VKORC1L1: variants seen among roughly 807,000 people sequenced by gnomAD.
VKORC1L1 encodes vitamin K epoxide reductase complex subunit 1L1, also known as vitamin K epoxide reductase complex subunit 1-like protein 1.
A neutral mutation model predicts 18.9 loss-of-function variants in VKORC1L1; 2 were observed. That is an observed-to-expected ratio of 0.11 (90% CI 0.04 to 0.33). The LOEUF (loss-of-function observed/expected upper bound fraction) is 0.33. Among genes scored for constraint, VKORC1L1 ranks in the 10% least tolerant of loss-of-function variants. VKORC1L1 has a pLI of 1.00. For synonymous variants in VKORC1L1, 96 were observed against 100.0 expected (o/e 0.96, Z 0.24); for missense variants, 123 against 224.1 (o/e 0.55, Z 2.88).
intron 1 of VKORC1L1, among the ~76,000 whole-genome samples, chr7:65,887,174 A>C (rs1029517146): frequency 6.6e-6 from 1 of 151,998 alleles, no homozygotes; most frequent in African/African-American, 2.4e-5. Context: ...TTGTTCTCCA[A>C]ACTTTCAGTC....
intron 1 of VKORC1L1, among the ~76,000 whole-genome samples, chr7:65,892,179 A>G (rs967453954): frequency 6.6e-6 from 1 of 152,154 alleles, no homozygotes; most frequent in African/African-American, 2.4e-5. Flanking sequence ...TTCTTTATCC[A>G]TTCGTCTGTT....
At chr7:65,892,897 A>G (rs572796428) in intron 1 of VKORC1L1, among the ~76,000 whole-genome samples, 4 of 152,352 alleles carry the variant, frequency 2.6e-5, no homozygotes, top group Non-Finnish European at 5.9e-5. Flanking sequence ...TCCCAGGACT[A>G]TGCAGGTTTC....
chr7:65,871,536 A>C (rs145480699), upstream of VKORC1L1, among the ~76,000 whole-genome samples: 1,428 of 152,268 alleles, frequency 9.4e-3, 25 homozygotes, highest in African/African-American at 0.031. Flanking sequence ...GACTTCGTAA[A>C]AGTGATGGGA....
intron 1 of VKORC1L1, among the ~76,000 whole-genome samples, chr7:65,876,579 C>T (rs1788831164): frequency 6.6e-6 from 1 of 152,070 alleles, no homozygotes; most frequent in African/African-American, 2.4e-5. Context: ...AACTCTGCTG[C>T]AAACCTGCAC....
At chr7:65,937,391 T>C (rs1789961741) in intron 1 of VKORC1L1, among the ~76,000 whole-genome samples, 1 of 152,194 alleles carries the variant, frequency 6.6e-6, no homozygotes, top group Non-Finnish European at 1.5e-5. Context: ...ATTCAGATTT[T>C]TTTTGTTTTA....
chr7:65,910,814 A>G (rs1049505137), intron 1 of VKORC1L1, among the ~76,000 whole-genome samples: 4 of 152,190 alleles, frequency 2.6e-5, no homozygotes, highest in African/African-American at 9.7e-5. Context: ...CATTTTAGCA[A>G]TCCAAAGTGC....
intron 1 of VKORC1L1, among the ~76,000 whole-genome samples, chr7:65,920,828 GA>G (rs76621255): frequency 5.1e-4 from 64 of 126,098 alleles, no homozygotes; most frequent in African/African-American, 7.4e-4. Context: ...CCTGTTTTTA[GA>G]AAAAAAAAAA....
intron 1 of VKORC1L1, among the ~76,000 whole-genome samples, chr7:65,907,104 T>G (rs1342918714): frequency 6.6e-6 from 1 of 152,134 alleles, no homozygotes; most frequent in African/African-American, 2.4e-5. Flanking sequence ...TCATTACTTT[T>G]CACATTATAA....
intron 1 of VKORC1L1, among the ~76,000 whole-genome samples, chr7:65,879,544 C>T (rs1420489189): frequency 1.3e-5 from 2 of 152,174 alleles, no homozygotes; most frequent in Non-Finnish European, 2.9e-5. Context: ...CATGAGAAAA[C>T]TGAGCAACGC....
chr7:65,879,002 A>G (rs1788878009), intron 1 of VKORC1L1, among the ~76,000 whole-genome samples: 2 of 152,226 alleles, frequency 1.3e-5, no homozygotes, highest in South Asian at 2.1e-4. Context: ...AGTCTCCTTC[A>G]TATCCCTTCC....
chr7:65,867,298 G>T, the VKORC1L1 span, among the ~76,000 whole-genome samples: 1 of 152,088 alleles, frequency 6.6e-6, no homozygotes, highest in Non-Finnish European at 1.5e-5. Flanking sequence ...CCTCTCGCTG[G>T]GTCTATGGGG....
At chr7:65,883,941 T>G (rs1313472709) in intron 1 of VKORC1L1, among the ~76,000 whole-genome samples, 1 of 152,254 alleles carries the variant, frequency 6.6e-6, no homozygotes, top group Non-Finnish European at 1.5e-5. Context: ...GGGACACTGT[T>G]GGCTGTCTTG....
intron 1 of VKORC1L1, among the ~76,000 whole-genome samples, chr7:65,901,160 G>T (rs987850136): frequency 6.6e-6 from 1 of 152,138 alleles, no homozygotes; most frequent in African/African-American, 2.4e-5. Flanking sequence ...AATTTTGTTC[G>T]GTGTTATAAA....
intron 1 of VKORC1L1, among the ~76,000 whole-genome samples, chr7:65,938,398 G>GA (rs1583861076): frequency 1.3e-5 from 2 of 151,992 alleles, no homozygotes; most frequent in East Asian, 3.9e-4. Flanking sequence ...AGGGCAAATA[G>GA]AAAAAAAGAT....
upstream of VKORC1L1, among the ~76,000 whole-genome samples, chr7:65,868,472 A>G (rs1285096970): frequency 2.0e-5 from 3 of 152,198 alleles, no homozygotes; most frequent in Non-Finnish European, 4.4e-5. Flanking sequence ...TCACTACTAG[A>G]TATCTACCCA....
chr7:65,878,778 C>A (rs113985721), intron 1 of VKORC1L1, among the ~76,000 whole-genome samples: 1 of 151,454 alleles, frequency 6.6e-6, no homozygotes, highest in Non-Finnish European at 1.5e-5. Context: ...TGGTGGCACA[C>A]GCCTGTAGTC....
At chr7:65,914,234 C>T (rs1199133483) in intron 1 of VKORC1L1, among the ~76,000 whole-genome samples, 1 of 152,170 alleles carries the variant, frequency 6.6e-6, no homozygotes, top group African/African-American at 2.4e-5. Flanking sequence ...GCCAAAGCTA[C>T]AGGTGTGCAC....
intron 2 of VKORC1L1, among the ~76,000 whole-genome samples, chr7:65,953,503 G>C (rs1790246169): frequency 6.6e-6 from 1 of 152,182 alleles, no homozygotes; most frequent in African/African-American, 2.4e-5. Context: ...TTGTGAGATT[G>C]CATGTTTTCT....
chr7:65,928,834 T>C (rs921315348), intron 1 of VKORC1L1, among the ~76,000 whole-genome samples: 1 of 152,232 alleles, frequency 6.6e-6, no homozygotes, highest in Admixed American at 6.5e-5. Flanking sequence ...ATTTCCATAC[T>C]ATTTTGTGTG....
Sources: allele counts gnomAD v4.1 joint callset (sites outside exome capture counted in the v4.1 genomes callset), GRCh38; gene constraint gnomAD v4.1.1; transcripts MANE v1.5; gene names NCBI Gene and HGNC (gene_info 2026-07-23, HGNC 2026-07-21).